Variants in TCF7 observed in about 807,000 individuals in gnomAD.
The protein encoded by TCF7 is transcription factor 7, also known as T-cell-factor-7.
Under a neutral mutation model 46.8 loss-of-function variants are expected in TCF7, and 19 were observed. That is an observed-to-expected ratio of 0.41 (90% CI 0.28 to 0.60). TCF7 has a LOEUF of 0.60. TCF7 is among the 20% of genes least tolerant of loss of function. The pLI, the probability that TCF7 is intolerant of heterozygous loss-of-function variation, is 0.35. For synonymous variants in TCF7, 245 were observed against 213.4 expected, an observed-to-expected ratio of 1.15 and a Z score of -1.29; for missense variants, 547 against 504.6, an observed-to-expected ratio of 1.08 and a Z score of -0.81.
chr5:134,142,634 C>T, intron 6 of TCF7, 87 bp from the exon 7 acceptor site: 1 of 1,517,064 alleles, frequency 6.6e-7, no homozygotes, highest in Non-Finnish European at 8.9e-7. Context: ...TACACTTAGG[C>T]ACACTCTAGG....
At chr5:134,122,912 G>T (rs1756806772) in intron 3 of TCF7, among the ~76,000 whole-genome samples, 1 of 152,200 alleles carries the variant, frequency 6.6e-6, no homozygotes, top group Admixed American at 6.5e-5. Flanking sequence ...CCTTAGAGGA[G>T]TGGTCAGAGG....
intron 2 of TCF7, 31 bp downstream of exon 2, chr5:134,115,418 G>C (rs1755664772): frequency 1.3e-6 from 2 of 1,575,554 alleles, no homozygotes; most frequent in African/African-American, 1.4e-5. Flanking sequence ...GCTTCCCTTC[G>C]TCGCGCTCAG....
In TCF7 at chr5:134,115,053, C is replaced by A. The variant is rs1415901089; in HGVS notation, c.147C>A (p.Ala49=). The A allele has an allele frequency of 1.6e-6, 2 of 1,221,112 alleles. No individual in the cohort carries two copies. Among genetic ancestry groups the A allele is most frequent in the Non-Finnish European group, 2.1e-6 (2 of 955,482 alleles). The allele number at this position is 1,221,112 out of a possible 1,614,324, so 75.6% of individuals were successfully genotyped here. A position where few individuals can be genotyped will look rare whatever the true frequency, so the allele number is the denominator to read the frequency against. The change falls in exon 1 of 10, where the codon GCC becomes GCA. Residue 49 remains alanine, a synonymous_variant. Transcript: ENST00000342854. ...DSAAGPERDL[A]ELKSSLVNES... ...CCGCCGGTCCCGAGCGCGACCTGGC[C>A]GAGCTCAAGTCGTCGCTCGTGAACG...
At chr5:134,114,076 A>T (rs1445669414), upstream of TCF7, among the ~76,000 whole-genome samples, 1 of 152,166 alleles carries the variant, frequency 6.6e-6, no homozygotes, top group Non-Finnish European at 1.5e-5. Context: ...CAGATGTGTG[A>T]TGTATAAGCT....
intron 3 of TCF7, among the ~76,000 whole-genome samples, chr5:134,134,965 CTTAT>C (rs1758650914): frequency 6.6e-6 from 1 of 152,114 alleles, no homozygotes; most frequent in Non-Finnish European, 1.5e-5. Context: ...TAGAGCTTTA[CTTAT>C]TTGAGACAGC....
rs201742119 is a variant in TCF7 at position 134,131,974 on chromosome 5, A to AC, written c.442-6080dup. On this transcript the variant is annotated intron_variant, in intron 3 of 9. Transcript: ENST00000342854. The stretch of plus-strand genomic sequence containing the variant: ...CAGGCAGGCTGCCAGTGTAGCCAGA[A>AC]CCCCCATCCCAGGGGTCCTAAAACT... 3.6e-3 allele frequency among the ~76,000 whole-genome samples: 549 copies of AC among 152,244 alleles called. 4 individuals carry two copies. Among genetic ancestry groups the AC allele is most frequent in the African/African-American group, 0.013 (530 of 41,536 alleles).
intron 3 of TCF7, among the ~76,000 whole-genome samples, chr5:134,133,562 A>G (rs1442029437): frequency 6.6e-6 from 1 of 152,168 alleles, no homozygotes; most frequent in African/African-American, 2.4e-5. Context: ...CGAGGGGGAC[A>G]TGGGTGCCAG....
Position 134,143,603 on chromosome 5 carries a change from G to C in TCF7, c.1038G>C (p.Lys346Asn). 1.9e-6 allele frequency: 3 copies of C among 1,614,118 alleles called. No homozygotes were observed. The highest frequency in any genetic ancestry group is 2.5e-6 in the Non-Finnish European group (3 of 1,180,026). Residue 346 changes from lysine to asparagine, a missense_variant, in exon 9 of 10, where the codon AAG becomes AAC. Physicochemically the swap from Lys to Asn is moderately conservative, Grantham distance 94. Around this residue, in one of 3 missense-constraint regions of TCF7, gnomAD observed 90 missense variants for 88.8 expected, o/e 1.01. Transcript: ENST00000342854. ...WSARDNYGKK[K>N]RRSREKHQES... ...TTTGTTCCCTGCAGGGGAAGAAGAAGAGGCGGTCGAGGGAAAAGCACCAAG... is the reference window on the plus strand; with the variant it reads ...TTTGTTCCCTGCAGGGGAAGAAGAACAGGCGGTCGAGGGAAAAGCACCAAG...
chr5:134,127,963 A>T (rs966204206), intron 3 of TCF7, among the ~76,000 whole-genome samples: 1 of 152,246 alleles, frequency 6.6e-6, no homozygotes, highest in African/African-American at 2.4e-5. Flanking sequence ...ATATTAGTTC[A>T]TCTAATCCTC....
Position 134,142,772 on chromosome 5 carries a change from CAAG to C in TCF7, c.811_813del (p.Lys271del). On this transcript the variant is annotated inframe_deletion, in exon 7 of 10. Transcript: ENST00000342854. ...AGAAGGAGGCCAAGAAGCCAACCAT[CAAG>C]AAGCCCCTCAATGCCTTCATGCTGT... 1 of 1,614,210 alleles carries C rather than the reference CAAG, an allele frequency of 6.2e-7. No individual in the cohort carries two copies. Among genetic ancestry groups the C allele is most frequent in the Non-Finnish European group, 8.5e-7 (1 of 1,180,038 alleles).
At chr5:134,134,124 G>A (rs577120663) in intron 3 of TCF7, among the ~76,000 whole-genome samples, 3 of 152,352 alleles carry the variant, frequency 2.0e-5, no homozygotes, top group Admixed American at 2.0e-4. Context: ...ACTCCCAGGG[G>A]AAGGGTAGTT....
At position 134,143,622 on chromosome 5, in the gene TCF7, C is replaced by T. The variant is rs1760222597; in HGVS notation, c.1057C>T (p.His353Tyr). 6.2e-7 allele frequency: 1 copy of T among 1,614,068 alleles called. No individual in the cohort carries two copies. Among genetic ancestry groups the T allele is most frequent in the Non-Finnish European group, 8.5e-7 (1 of 1,180,018 alleles). Reference protein sequence around the residue: ...GKKKRRSREKHQESTTGGKRN... With the variant: ...GKKKRRSREKYQESTTGGKRN... Reference sequence around the variant, plus strand: ...GAAGAAGAGGCGGTCGAGGGAAAAGCACCAAGAATCCACCACAGGTGAGAC... The same window carrying T: ...GAAGAAGAGGCGGTCGAGGGAAAAGTACCAAGAATCCACCACAGGTGAGAC... Residue 353 changes from histidine (H) to tyrosine (Y), a missense_variant, in exon 9 of 10, where the codon CAC becomes TAC. Transcript: ENST00000342854.
rs1490437115 is a variant in TCF7, at chr5:134,145,160, A to C, written c.1076-1064A>C. On this transcript the variant is annotated intron_variant, in intron 9 of 9. Transcript: ENST00000342854. Reference sequence around the variant, plus strand: ...ATGCCAGTGGGCCTAGCAGGTCCTCAGCAAACAGACAGCTCAGCCACCACT... The same window carrying C: ...ATGCCAGTGGGCCTAGCAGGTCCTCCGCAAACAGACAGCTCAGCCACCACT... The C allele has an allele frequency of 4.8e-6, 3 of 625,234 alleles. No homozygotes were observed. The East Asian group carries it at 1.1e-4, about 22-fold the overall frequency. The allele number at this position is 625,234 out of a possible 1,614,324, so 38.7% of individuals were successfully genotyped here.
At chr5:134,110,416 T>C (rs1049097498), upstream of TCF7, among the ~76,000 whole-genome samples, 2 of 152,166 alleles carry the variant, frequency 1.3e-5, no homozygotes, top group African/African-American at 4.8e-5. Flanking sequence ...TGATGCAGAG[T>C]AGCAGCATCC....
At chr5:134,132,727 C>T (rs1012390850) in intron 3 of TCF7, among the ~76,000 whole-genome samples, 6 of 136,488 alleles carry the variant, frequency 4.4e-5, no homozygotes, top group African/African-American at 5.7e-5. Flanking sequence ...CCTGAGCCTG[C>T]AGGAAGTTGG....
At chr5:134,134,370 G>A (rs992860102) in intron 3 of TCF7, among the ~76,000 whole-genome samples, 61 of 152,254 alleles carry the variant, frequency 4.0e-4, no homozygotes, top group Non-Finnish European at 2.2e-4. Flanking sequence ...GCTTAGACTC[G>A]AAAGCCCCCC....
rs1315285320 is a variant in TCF7 at position 134,146,508 on chromosome 5, G to A, written c.*205G>A. Reference sequence around the variant, plus strand: ...CAGGTACAGCAACAGGAATCTCAGAGACAGGTGGCCTAGCAGGCACAGGAC... The same window carrying A: ...CAGGTACAGCAACAGGAATCTCAGAAACAGGTGGCCTAGCAGGCACAGGAC... On this transcript the variant is annotated 3_prime_UTR_variant, in exon 10 of 10. Transcript: ENST00000342854. The A allele has an allele frequency of 2.7e-6, 2 of 737,452 alleles. No homozygotes were observed. The highest frequency in any genetic ancestry group is 5.0e-6 in the Non-Finnish European group (2 of 401,950). 45.7% of individuals were successfully genotyped at this position (737,452 alleles called of 1,614,324 possible). A position where few individuals can be genotyped will look rare whatever the true frequency, so the allele number is the denominator to read the frequency against.
intron 3 of TCF7, among the ~76,000 whole-genome samples, chr5:134,125,618 T>G (rs985122085): frequency 1.2e-4 from 19 of 152,214 alleles, no homozygotes; most frequent in Admixed American, 1.2e-3. Context: ...CCCAGGCTTG[T>G]CATGCCTGGA....
chr5:134,143,879 T>C (rs1760271097), intron 9 of TCF7: 7 of 540,290 alleles, frequency 1.3e-5, no homozygotes, highest in South Asian at 8.5e-5. Flanking sequence ...TTGGAGTAGA[T>C]GGTGCGTTCC....
Sources: allele counts gnomAD v4.1 joint callset (sites outside exome capture counted in the v4.1 genomes callset), GRCh38; gene constraint gnomAD v4.1.1; regional missense constraint gnomAD v4.1.1; transcripts MANE v1.5; gene names NCBI Gene and HGNC (gene_info 2026-07-23, HGNC 2026-07-21).